LYPLA1: variants seen among roughly 807,000 people sequenced by gnomAD.
LYPLA1 encodes acyl-protein thioesterase 1.
A neutral mutation model predicts 34.0 loss-of-function variants in LYPLA1; 17 were observed. The ratio of observed to expected loss-of-function variants is 0.50; its 90% CI spans 0.34 to 0.75. The LOEUF is 0.75. LYPLA1 is among the 30% of genes least tolerant of loss of function. The pLI is 0.01. For missense variants in LYPLA1, 203 were observed against 288.8 expected (o/e 0.70, Z 2.15); for synonymous variants, 98 against 100.8 (o/e 0.97, Z 0.17).
At position 54,100,777 on chromosome 8, in the gene LYPLA1, C is replaced by G. The variant is rs902372609; in HGVS notation, c.101+131G>C. 9.4e-6 allele frequency: 7 copies of G among 748,636 alleles called. No individual in the cohort carries two copies. In the Middle Eastern group the frequency reaches 1.4e-3, roughly 150 times the overall value. 46.4% of individuals were successfully genotyped at this position (748,636 alleles called of 1,614,324 possible). A position where few individuals can be genotyped will look rare whatever the true frequency, so the allele number is the denominator to read the frequency against. On this transcript the variant is annotated intron_variant, in intron 2 of 8. Transcript: ENST00000316963. ...GTTTTCAAAACATAAAATCACCGCA[C>G]TGTAAGATACATTAACTGGCAATCT...
intron 8 of LYPLA1, 48 bp downstream of exon 8, chr8:54,050,964 T>C (rs765708586): frequency 6.5e-5 from 98 of 1,509,338 alleles, no homozygotes; most frequent in Non-Finnish European, 7.9e-5. Flanking sequence ...AAATATCACA[T>C]GAAAAAAGTT....
At chr8:54,058,439 G>A (rs550600529) in intron 5 of LYPLA1, among the ~76,000 whole-genome samples, 2 of 152,270 alleles carry the variant, frequency 1.3e-5, no homozygotes, top group African/African-American at 2.4e-5. Context: ...AGCTACTTGG[G>A]AGGCTGAGAC....
intron 5 of LYPLA1, among the ~76,000 whole-genome samples, chr8:54,060,923 G>A (rs946234435): frequency 1.2e-4 from 19 of 152,002 alleles, no homozygotes; most frequent in African/African-American, 4.3e-4. Context: ...TCAAACTCCT[G>A]ACCTCAGGTG....
chr8:54,065,162 C>G (rs1470531761), intron 3 of LYPLA1, among the ~76,000 whole-genome samples: 1 of 151,988 alleles, frequency 6.6e-6, no homozygotes, highest in Non-Finnish European at 1.5e-5. Context: ...TCAGAGATAC[C>G]CTAGGGATAT....
At chr8:54,049,496 T>A (rs894853261) in intron 8 of LYPLA1, among the ~76,000 whole-genome samples, 1 of 152,088 alleles carries the variant, frequency 6.6e-6, no homozygotes, top group Non-Finnish European at 1.5e-5. Context: ...CCTCCGGAGA[T>A]CAAGTGATCC....
chr8:54,058,127 T>C (rs1056136807), intron 5 of LYPLA1, among the ~76,000 whole-genome samples: 1 of 152,230 alleles, frequency 6.6e-6, no homozygotes, highest in Non-Finnish European at 1.5e-5. Flanking sequence ...TACCTAAAAG[T>C]TGTCATTTTA....
At chr8:54,068,800 C>T (rs1181314497) in intron 2 of LYPLA1, among the ~76,000 whole-genome samples, 5 of 151,890 alleles carry the variant, frequency 3.3e-5, no homozygotes, top group African/African-American at 1.2e-4. Context: ...AAAGCACAAC[C>T]GACAAGAAAA....
chr8:54,066,435 T>A (rs1317468485), intron 2 of LYPLA1, among the ~76,000 whole-genome samples: 3 of 152,198 alleles, frequency 2.0e-5, no homozygotes, highest in Non-Finnish European at 4.4e-5. Context: ...AATGTCTTTA[T>A]ACAATGTGTT....
chr8:54,067,184 G>C (rs769719223), intron 2 of LYPLA1, among the ~76,000 whole-genome samples: 5 of 151,992 alleles, frequency 3.3e-5, no homozygotes, highest in Admixed American at 6.6e-5. Flanking sequence ...AAATAAATAA[G>C]TGAGTAAATA....
At chr8:54,100,971 G>T (rs751286748) in intron 1 of LYPLA1, 32 bp from the exon 2 acceptor site, 2 of 1,564,382 alleles carry the variant, frequency 1.3e-6, no homozygotes, top group Non-Finnish European at 1.8e-6. Context: ...AATAAGCAAT[G>T]CCTAAATAAG....
chr8:54,086,075 T>C (rs928495717), intron 2 of LYPLA1, among the ~76,000 whole-genome samples: 8 of 152,214 alleles, frequency 5.3e-5, no homozygotes, highest in African/African-American at 1.9e-4. Context: ...CATTTTGTTC[T>C]GTATTAAGAA....
chr8:54,051,848 T>TC (rs1292075282), intron 7 of LYPLA1, among the ~76,000 whole-genome samples: 1 of 140,330 alleles, frequency 7.1e-6, no homozygotes, highest in Non-Finnish European at 1.5e-5. Flanking sequence ...TTCAGCTATC[T>TC]TTTTTTTTTT....
In LYPLA1 at chr8:54,065,634, A is replaced by G. The variant is rs985963692; in HGVS notation, c.167+114T>C. ...TTCTACTAATCTTTATTTTTAAACA[A>G]TATTTAAAAAGTAAAAATTAACTGT... On this transcript the variant is annotated intron_variant, in intron 3 of 8. Coordinates refer to ENST00000316963, the MANE Select transcript of LYPLA1 (RefSeq NM_006330.4). 6 of 653,626 alleles carry G rather than the reference A, an allele frequency of 9.2e-6. 1 individual carries two copies. The Admixed American group carries it at 1.7e-4, about 19-fold the overall frequency. The allele number at this position is 653,626 out of a possible 1,614,324, so 40.5% of individuals were successfully genotyped here.
intron 2 of LYPLA1, among the ~76,000 whole-genome samples, chr8:54,069,384 A>G (rs189405258): frequency 6.6e-6 from 1 of 152,318 alleles, no homozygotes; most frequent in East Asian, 1.9e-4. Context: ...ACAATTATGT[A>G]TCAACTAAAA....
chr8:54,091,875 G>A (rs765219655), intron 2 of LYPLA1, among the ~76,000 whole-genome samples: 6 of 152,150 alleles, frequency 3.9e-5, no homozygotes, highest in Non-Finnish European at 8.8e-5. Context: ...GACAGTTTGA[G>A]CCCAGGAGTT....
intron 2 of LYPLA1, among the ~76,000 whole-genome samples, chr8:54,096,601 G>C (rs1226704272): frequency 6.6e-6 from 1 of 152,148 alleles, no homozygotes; most frequent in Non-Finnish European, 1.5e-5. Context: ...AAATTAGCCA[G>C]GCGTGGTGGC....
At chr8:54,070,616 G>A (rs968585681) in intron 2 of LYPLA1, among the ~76,000 whole-genome samples, 20 of 152,108 alleles carry the variant, frequency 1.3e-4, no homozygotes, top group African/African-American at 4.6e-4. Context: ...CCAGCGACTG[G>A]GGAGACTGAG....
chr8:54,085,994 C>T (rs976220582), intron 2 of LYPLA1, among the ~76,000 whole-genome samples: 11 of 152,016 alleles, frequency 7.2e-5, no homozygotes, highest in Admixed American at 6.6e-5. Flanking sequence ...GAATAGAAAA[C>T]GGGGAAATGT....
intron 8 of LYPLA1, among the ~76,000 whole-genome samples, chr8:54,050,093 C>T (rs1384902910): frequency 2.6e-5 from 4 of 152,148 alleles, no homozygotes; most frequent in Admixed American, 6.5e-5. Flanking sequence ...GATAATTCTT[C>T]GTTGATCAAT....
Sources: allele counts gnomAD v4.1 joint callset (sites outside exome capture counted in the v4.1 genomes callset), GRCh38; gene constraint gnomAD v4.1.1; transcripts MANE v1.5; gene names NCBI Gene and HGNC (gene_info 2026-07-23, HGNC 2026-07-21).